HIPK3: variants seen among roughly 807,000 people sequenced by gnomAD.
The protein encoded by HIPK3 is homeodomain interacting protein kinase 3.
Under a neutral mutation model 124.2 loss-of-function variants are expected in HIPK3, and 47 were observed. The ratio of observed to expected loss-of-function variants is 0.38; its 90% CI spans 0.30 to 0.48. The LOEUF (loss-of-function observed/expected upper bound fraction) is 0.48. Among genes scored for constraint, HIPK3 ranks in the 20% least tolerant of loss-of-function variants. The probability of loss-of-function intolerance (pLI) is 0.98; values close to 1 mark genes in which losing one functional copy is unlikely to be tolerated. For missense variants in HIPK3, 1,286 were observed against 1,454.3 expected (o/e 0.88, Z 1.88); for synonymous variants, 482 against 515.2 (o/e 0.94, Z 0.87).
chr11:33,345,553 A>C (rs1215723585), intron 8 of HIPK3, among the ~76,000 whole-genome samples: 1 of 152,172 alleles, frequency 6.6e-6, no homozygotes, highest in Non-Finnish European at 1.5e-5. Flanking sequence ...GAATTTACAG[A>C]CAATGAGATT....
At chr11:33,258,352 A>G in intron 1 of HIPK3, 1 of 985,438 alleles carries the variant, frequency 1.0e-6, no homozygotes, top group Non-Finnish European at 1.2e-6. Context: ...GAACAAACAA[A>G]CGCGCAGGCA....
chr11:33,276,474 T>C (rs940555668), intron 1 of HIPK3, among the ~76,000 whole-genome samples: 3 of 152,208 alleles, frequency 2.0e-5, no homozygotes, highest in African/African-American at 7.2e-5. Flanking sequence ...TGGATATTCA[T>C]TATATATAGT....
chr11:33,274,301 A>G (rs1335694913), intron 1 of HIPK3, among the ~76,000 whole-genome samples: 1 of 152,132 alleles, frequency 6.6e-6, no homozygotes, highest in Non-Finnish European at 1.5e-5. Context: ...AATCTTTAAT[A>G]TTTTGTATTT....
intron 2 of HIPK3, among the ~76,000 whole-genome samples, chr11:33,298,516 A>G (rs185958782): frequency 1.3e-5 from 2 of 152,386 alleles, no homozygotes; most frequent in East Asian, 1.9e-4. Flanking sequence ...TGGTAAGGCC[A>G]TAGCTGCTAT....
At position 33,257,434 on chromosome 11, in the gene HIPK3, A is replaced by C; in HGVS notation, c.-458A>C. 1.0e-6 allele frequency: 1 copy of C among 985,200 alleles called. No individual in the cohort carries two copies. The highest frequency in any genetic ancestry group is 1.2e-6 in the Non-Finnish European group (1 of 829,852). The allele number at this position is 985,200 out of a possible 1,614,324, so 61.0% of individuals were successfully genotyped here. A position where few individuals can be genotyped will look rare whatever the true frequency, so the allele number is the denominator to read the frequency against. On this transcript the variant is annotated 5_prime_UTR_variant, in exon 1 of 17. Transcript: ENST00000303296. The stretch of plus-strand genomic sequence containing the variant: ...GGCATCGCGGCGACCTGAGGAGATC[A>C]AGCCGCAGGCCCCGCCGTCGCCACC...
chr11:33,268,556 A>C (rs1320574413), intron 1 of HIPK3, among the ~76,000 whole-genome samples: 1 of 145,050 alleles, frequency 6.9e-6, no homozygotes, highest in East Asian at 2.1e-4. Flanking sequence ...GCACCACTGC[A>C]TTGCACCTTG....
At chr11:33,261,121 A>T (rs1850808797) in intron 1 of HIPK3, among the ~76,000 whole-genome samples, 1 of 94,902 alleles carries the variant, frequency 1.1e-5, no homozygotes, top group Non-Finnish European at 2.4e-5. Flanking sequence ...TACATAAAAT[A>T]TATATTATAT....
intron 2 of HIPK3, among the ~76,000 whole-genome samples, chr11:33,325,013 A>C (rs1852770369): frequency 6.6e-6 from 1 of 152,258 alleles, no homozygotes. Context: ...TTTGTATTTT[A>C]AAATGGGAAA....
intron 3 of HIPK3, among the ~76,000 whole-genome samples, chr11:33,329,375 A>C (rs1029528107): frequency 1.3e-5 from 2 of 152,206 alleles, no homozygotes; most frequent in East Asian, 3.9e-4. Context: ...TAATTTTGTC[A>C]TTCTGATTAG....
Position 33,287,354 on chromosome 11 carries a change from A to G in HIPK3, c.940A>G (p.Lys314Glu). The G allele has an allele frequency of 6.2e-7, 1 of 1,614,214 alleles. No individual in the cohort carries two copies. The highest frequency in any genetic ancestry group is 8.5e-7 in the Non-Finnish European group (1 of 1,180,024). The change falls in exon 2 of 17, where the codon AAA becomes GAA. Residue 314 changes from lysine to glutamate, a missense_variant. Lys to Glu is a moderately conservative substitution (Grantham distance 56, BLOSUM62 1). Around this residue, in one of 3 missense-constraint regions of HIPK3, gnomAD observed 251 missense variants for 349.1 expected, o/e 0.72. Transcript: ENST00000303296. ...QQVATALKKLKSLGLIHADLK... is the reference protein window; with the variant it reads ...QQVATALKKLESLGLIHADLK... ...AGTGGCCACTGCACTGAAAAAATTG[A>G]AAAGTCTTGGTTTAATTCATGCTGA...
intron 15 of HIPK3, 46 bp downstream of exon 15, chr11:33,351,889 C>G (rs1314932482): frequency 8.9e-6 from 13 of 1,466,858 alleles, no homozygotes; most frequent in Non-Finnish European, 1.1e-5. Flanking sequence ...TAAATACGGT[C>G]TTAATTTAGG....
At chr11:33,313,526 GAA>G (rs1247859595) in intron 2 of HIPK3, among the ~76,000 whole-genome samples, 4 of 152,264 alleles carry the variant, frequency 2.6e-5, no homozygotes, top group East Asian at 3.9e-4. Context: ...GTATATAAAA[GAA>G]AGAGAGTTAA....
At chr11:33,342,462 G>A (rs927966327) in intron 8 of HIPK3, among the ~76,000 whole-genome samples, 1 of 151,844 alleles carries the variant, frequency 6.6e-6, no homozygotes, top group Admixed American at 6.6e-5. Context: ...TTACATTAAT[G>A]TCCCTTCATT....
At chr11:33,325,235 G>T (rs1852776633) in intron 2 of HIPK3, among the ~76,000 whole-genome samples, 1 of 152,160 alleles carries the variant, frequency 6.6e-6, no homozygotes, top group Non-Finnish European at 1.5e-5. Flanking sequence ...ACTGTTAACA[G>T]AATTAAAATG....
chr11:33,311,362 T>C (rs1852330960), intron 2 of HIPK3, among the ~76,000 whole-genome samples: 1 of 152,170 alleles, frequency 6.6e-6, no homozygotes, highest in Non-Finnish European at 1.5e-5. Flanking sequence ...ATTTTTTCAT[T>C]TTGTGTAGAG....
At chr11:33,308,779 G>C (rs916015294) in intron 2 of HIPK3, among the ~76,000 whole-genome samples, 5 of 137,956 alleles carry the variant, frequency 3.6e-5, no homozygotes, top group Non-Finnish European at 7.8e-5. Context: ...TTTCTCCTTT[G>C]CTTCTGGCAT....
At chr11:33,339,036 T>C (rs534250396) in intron 5 of HIPK3, among the ~76,000 whole-genome samples, 193 bp downstream of exon 5, 72 of 152,350 alleles carry the variant, frequency 4.7e-4, no homozygotes, top group African/African-American at 1.6e-3. Flanking sequence ...AAAATTTTAA[T>C]TTACCTATTC....
intron 14 of HIPK3, among the ~76,000 whole-genome samples, chr11:33,350,559 A>G (rs1853627670): frequency 6.6e-6 from 1 of 151,660 alleles, no homozygotes. Context: ...CTGTAGTGCT[A>G]GCTACTCAGG....
chr11:33,273,005 T>G (rs1851176420), intron 1 of HIPK3, among the ~76,000 whole-genome samples: 1 of 151,294 alleles, frequency 6.6e-6, no homozygotes. Context: ...TGGCTAATTT[T>G]TTTTTTTAAA....
Sources: gnomAD v4.1 joint callset for allele counts (sites outside exome capture counted in the v4.1 genomes callset) on GRCh38, gnomAD v4.1.1 for gene constraint, gnomAD v4.1.1 regional missense constraint, MANE v1.5 for transcripts, NCBI Gene and HGNC (gene_info 2026-07-23, HGNC 2026-07-21) for gene names.